The following ZCWPW2 variants were observed in gnomAD, a reference collection of about 807,000 sequenced individuals.
ZCWPW2 encodes zinc finger CW-type PWWP domain protein 2.
ZCWPW2 carries 45 observed loss-of-function variants against 46.6 expected under a neutral mutation model. The ratio of observed to expected loss-of-function variants is 0.96; its 90% CI spans 0.76 to 1.24. The LOEUF is 1.24. ZCWPW2 is among the 50% of genes most tolerant of loss of function. The pLI is 0.00. For missense variants in ZCWPW2, 429 were observed against 403.9 expected (o/e 1.06, Z -0.53); for synonymous variants, 152 against 137.1 (o/e 1.11, Z -0.76).
chr3:28,461,795 T>A (rs1197710024), intron 4 of ZCWPW2: 1 of 152,028 alleles, frequency 6.6e-6, no homozygotes, highest in African/African-American at 2.4e-5. Flanking sequence ...AACAGTATAG[T>A]ATGTTAGTTA....
At chr3:28,474,790 G>A (rs892861315) in intron 4 of ZCWPW2, among the ~76,000 whole-genome samples, 22 of 145,916 alleles carry the variant, frequency 1.5e-4, no homozygotes, top group African/African-American at 5.6e-4. Context: ...TCTCATGTCA[G>A]TATGTCTGAA....
chr3:28,432,427 A>C (rs1697298632), intron 3 of ZCWPW2, among the ~76,000 whole-genome samples: 2 of 152,162 alleles, frequency 1.3e-5, no homozygotes, highest in South Asian at 4.1e-4. Context: ...CAGATTTTTG[A>C]ATGGTTTGGT....
intron 2 of ZCWPW2, among the ~76,000 whole-genome samples, chr3:28,410,218 C>T (rs1344340778): frequency 2.0e-5 from 3 of 152,014 alleles, no homozygotes; most frequent in Non-Finnish European, 2.9e-5. Flanking sequence ...AGAAACCTGA[C>T]AAAATTATGG....
chr3:28,441,219 G>A (rs1229162971), intron 4 of ZCWPW2, among the ~76,000 whole-genome samples: 1 of 152,118 alleles, frequency 6.6e-6, no homozygotes. Flanking sequence ...ACTCACATGG[G>A]ATACAAATAT....
chr3:28,355,542 G>T (rs1328172280), intron 1 of ZCWPW2, among the ~76,000 whole-genome samples: 1 of 152,226 alleles, frequency 6.6e-6, no homozygotes, highest in East Asian at 1.9e-4. Flanking sequence ...GCATTGCCAA[G>T]TCCATCCTAA....
intron 3 of ZCWPW2, among the ~76,000 whole-genome samples, chr3:28,424,748 T>G (rs185394671): frequency 6.6e-6 from 1 of 152,352 alleles, no homozygotes; most frequent in East Asian, 1.9e-4. Flanking sequence ...AGGGAAAATG[T>G]GGCCTTTGTT....
At chr3:28,500,374 A>G (rs1055029851) in intron 6 of ZCWPW2, among the ~76,000 whole-genome samples, 3 of 152,104 alleles carry the variant, frequency 2.0e-5, no homozygotes, top group Non-Finnish European at 4.4e-5. Flanking sequence ...TTTTTTCAAT[A>G]GAGAATTTTA....
chr3:28,517,556 G>A (rs1408388575), intron 8 of ZCWPW2, among the ~76,000 whole-genome samples: 1 of 152,152 alleles, frequency 6.6e-6, no homozygotes, highest in Non-Finnish European at 1.5e-5. Flanking sequence ...AATCATTTGT[G>A]AGAAATCTGC....
chr3:28,409,155 T>G (rs1696296076), intron 2 of ZCWPW2, among the ~76,000 whole-genome samples: 1 of 149,406 alleles, frequency 6.7e-6, no homozygotes, highest in African/African-American at 2.5e-5. Flanking sequence ...GAGTCTCACT[T>G]TGTCACCCAG....
intron 5 of ZCWPW2, among the ~76,000 whole-genome samples, chr3:28,490,892 A>AT (rs1699785968): frequency 6.6e-6 from 1 of 152,136 alleles, no homozygotes. Context: ...ATTTTAATTA[A>AT]TAAATTACAT....
chr3:28,469,970 A>G (rs1039962187), intron 4 of ZCWPW2, among the ~76,000 whole-genome samples: 9 of 152,180 alleles, frequency 5.9e-5, no homozygotes, highest in African/African-American at 1.9e-4. Context: ...ATGGCTGCAG[A>G]ATGCACATTC....
intron 2 of ZCWPW2, among the ~76,000 whole-genome samples, chr3:28,394,600 C>G (rs1695623119): frequency 6.6e-6 from 1 of 152,004 alleles, no homozygotes; most frequent in Non-Finnish European, 1.5e-5. Flanking sequence ...CAGAAATAAA[C>G]CCATGCATAT....
intron 9 of ZCWPW2, among the ~76,000 whole-genome samples, chr3:28,523,042 T>C: frequency 6.6e-6 from 1 of 152,208 alleles, no homozygotes; most frequent in Non-Finnish European, 1.5e-5. Context: ...AGTAACTTGA[T>C]AGAACAGAGA....
intron 4 of ZCWPW2, among the ~76,000 whole-genome samples, chr3:28,450,768 G>A (rs1698196039): frequency 6.6e-6 from 1 of 152,064 alleles, no homozygotes; most frequent in African/African-American, 2.4e-5. Flanking sequence ...GATCATTTGG[G>A]TGTTTATCCA....
In ZCWPW2 at chr3:28,382,492, A is replaced by T. The variant is rs540174121; in HGVS notation, c.-133-8006A>T. Among the ~76,000 whole-genome samples, 47 of 152,320 alleles carry T rather than the reference A, an allele frequency of 3.1e-4. No homozygotes were observed. In the East Asian group the frequency reaches 8.9e-3, roughly 29 times the overall value. The stretch of plus-strand genomic sequence containing the variant: ...TCCAAGTAGAGTAATATTCTGAGTT[A>T]CTGGAGATTAGAACTTTAACATGTG... On this transcript the variant is annotated intron_variant, in intron 1 of 9. Transcript: ENST00000383768.
intron 1 of ZCWPW2, among the ~76,000 whole-genome samples, chr3:28,373,065 A>G (rs1705389258): frequency 6.6e-6 from 1 of 152,206 alleles, no homozygotes; most frequent in Non-Finnish European, 1.5e-5. Flanking sequence ...ACCCATTGAT[A>G]GACACTTAGG....
intron 3 of ZCWPW2, among the ~76,000 whole-genome samples, chr3:28,432,465 G>C (rs371695768): frequency 2.0e-5 from 3 of 152,104 alleles, no homozygotes; most frequent in Non-Finnish European, 4.4e-5. Context: ...TTTATATCTT[G>C]ATCTGTAAAA....
At chr3:28,500,880 A>G (rs1030660193) in intron 6 of ZCWPW2, among the ~76,000 whole-genome samples, 1 of 152,192 alleles carries the variant, frequency 6.6e-6, no homozygotes, top group Non-Finnish European at 1.5e-5. Context: ...AAGAATAGCA[A>G]GGAGCAGAAC....
intron 4 of ZCWPW2, among the ~76,000 whole-genome samples, chr3:28,437,500 G>T (rs1016956071): frequency 2.1e-4 from 32 of 151,640 alleles, no homozygotes; most frequent in Non-Finnish European, 4.6e-4. Context: ...TTTTATTTTG[G>T]CTCAATCATG....
Sources: gnomAD v4.1 joint callset for allele counts (sites outside exome capture counted in the v4.1 genomes callset) on GRCh38, gnomAD v4.1.1 for gene constraint, MANE v1.5 for transcripts, NCBI Gene and HGNC (gene_info 2026-07-23, HGNC 2026-07-21) for gene names.